PLCE1: variants seen among roughly 807,000 people sequenced by gnomAD.
PLCE1 encodes the protein 1-phosphatidylinositol 4,5-bisphosphate phosphodiesterase epsilon-1.
PLCE1 carries 119 observed loss-of-function variants against 242.8 expected under a neutral mutation model. The observed-to-expected ratio is 0.49, with a 90% confidence interval of 0.42 to 0.57. The LOEUF (loss-of-function observed/expected upper bound fraction) is 0.57. PLCE1 is among the 20% of genes least tolerant of loss of function. PLCE1 has a pLI of 0.00. For missense variants in PLCE1, 2,441 were observed against 2,788.8 expected (o/e 0.88, Z 2.81); for synonymous variants, 945 against 1,017.4 (o/e 0.93, Z 1.35).
intron 2 of PLCE1, among the ~76,000 whole-genome samples, chr10:94,124,265 C>A (rs1479556865): frequency 6.6e-6 from 1 of 151,698 alleles, no homozygotes; most frequent in African/African-American, 2.4e-5. Flanking sequence ...GTAGTCCCAG[C>A]CACTCAGGAG....
At chr10:94,316,872 C>T in intron 29 of PLCE1, 116 bp downstream of exon 29, 1 of 750,236 alleles carries the variant, frequency 1.3e-6, no homozygotes, top group South Asian at 1.5e-5. Context: ...GGTTTATATT[C>T]TTCTTAAGTA....
chr10:94,007,336 G>A (rs1187345773), intron 1 of PLCE1, among the ~76,000 whole-genome samples: 6 of 152,064 alleles, frequency 3.9e-5, no homozygotes, highest in Admixed American at 3.3e-4. Context: ...GGGAGGGGAG[G>A]GGATGGCCAA....
chr10:93,999,625 C>T (rs1421043173), intron 1 of PLCE1, among the ~76,000 whole-genome samples: 1 of 152,258 alleles, frequency 6.6e-6, no homozygotes, highest in East Asian at 1.9e-4. Flanking sequence ...ATCTCCTAGA[C>T]TGCATCTGGA....
At chr10:94,326,075 T>G (rs954934083) in intron 32 of PLCE1, among the ~76,000 whole-genome samples, 7 of 152,166 alleles carry the variant, frequency 4.6e-5, no homozygotes, top group Non-Finnish European at 7.3e-5. Flanking sequence ...CAGTGGTAAG[T>G]CTCTCCTTTT....
Position 94,324,564 on chromosome 10 carries a change from G to T in PLCE1, c.6717G>T (p.Val2239=). 6.2e-7 allele frequency: 1 copy of T among 1,611,812 alleles called. No individual in the cohort carries two copies. Among genetic ancestry groups the T allele is most frequent in the Non-Finnish European group, 8.5e-7 (1 of 1,177,888 alleles). Reference sequence around the variant, plus strand: ...TCATCCTTAAGCTAAAGGAGCAGGTGCAGGTAAAGTTTAAAGTTATTTTGC... The same window carrying T: ...TCATCCTTAAGCTAAAGGAGCAGGTTCAGGTAAAGTTTAAAGTTATTTTGC... ...GKFILKLKEQ[V]QASREDKKKG... The change falls in exon 31 of 33, where the codon GTG becomes GTT. Residue 2239 remains valine, a synonymous_variant. Coordinates refer to ENST00000371380, the MANE Select transcript of PLCE1 (RefSeq NM_016341.4).
intron 4 of PLCE1, among the ~76,000 whole-genome samples, chr10:94,204,371 G>A (rs2136825302): frequency 6.6e-6 from 1 of 152,252 alleles, no homozygotes; most frequent in Non-Finnish European, 1.5e-5. Flanking sequence ...GGAGGAATTA[G>A]AAAATGATGT....
intron 24 of PLCE1, among the ~76,000 whole-genome samples, chr10:94,300,426 C>A (rs2052993380): frequency 6.6e-6 from 1 of 152,202 alleles, no homozygotes; most frequent in African/African-American, 2.4e-5. Context: ...TGTGGTTCAT[C>A]CTCAAGTTTC....
chr10:94,227,658 C>T (rs923946713), intron 5 of PLCE1, among the ~76,000 whole-genome samples: 1 of 152,226 alleles, frequency 6.6e-6, no homozygotes, highest in Admixed American at 6.5e-5. Flanking sequence ...CAGTCACAAT[C>T]CTACTTCACT....
At chr10:94,308,463 C>A (rs1342096051) in intron 26 of PLCE1, 118 bp from the exon 27 acceptor site, 1 of 789,464 alleles carries the variant, frequency 1.3e-6, no homozygotes, top group Non-Finnish European at 2.3e-6. Context: ...TGGTTGCATG[C>A]CTGTTGCCAT....
At chr10:94,168,748 G>C (rs188297388) in intron 3 of PLCE1, among the ~76,000 whole-genome samples, 1 of 152,222 alleles carries the variant, frequency 6.6e-6, no homozygotes, top group East Asian at 1.9e-4. Context: ...AGAAGTGACT[G>C]GAGTTATTTT....
intron 4 of PLCE1, among the ~76,000 whole-genome samples, chr10:94,179,789 C>T (rs2048250601): frequency 2.0e-5 from 3 of 151,720 alleles, no homozygotes; most frequent in South Asian, 2.1e-4. Context: ...TTCAGACGTA[C>T]GTCACCACAC....
At chr10:94,022,868 T>C (rs947592060) in intron 1 of PLCE1, among the ~76,000 whole-genome samples, 1 of 152,128 alleles carries the variant, frequency 6.6e-6, no homozygotes, top group Non-Finnish European at 1.5e-5. Flanking sequence ...TGGGCTCATA[T>C]AGCCATGGAA....
intron 1 of PLCE1, among the ~76,000 whole-genome samples, chr10:93,998,648 C>T (rs2060875187): frequency 6.6e-6 from 1 of 152,156 alleles, no homozygotes; most frequent in African/African-American, 2.4e-5. Flanking sequence ...ATCCTGAGTG[C>T]TCAAAGTTAA....
At chr10:94,023,324 T>A (rs1229068940) in intron 1 of PLCE1, among the ~76,000 whole-genome samples, 1 of 152,176 alleles carries the variant, frequency 6.6e-6, no homozygotes, top group African/African-American at 2.4e-5. Context: ...AGACTAGGAT[T>A]GACTTTTGGT....
chr10:94,136,018 A>C (rs923742717), intron 3 of PLCE1, among the ~76,000 whole-genome samples: 1 of 152,224 alleles, frequency 6.6e-6, no homozygotes, highest in Non-Finnish European at 1.5e-5. Context: ...ACAAGATTTA[A>C]ATTTTTCCCC....
chr10:94,096,082 T>C (rs2045297647), intron 2 of PLCE1, among the ~76,000 whole-genome samples: 1 of 152,136 alleles, frequency 6.6e-6, no homozygotes, highest in Admixed American at 6.5e-5. Context: ...CTGAGATGGC[T>C]TCAAAAGCAA....
At chr10:94,221,267 G>T (rs1021814053) in intron 4 of PLCE1, among the ~76,000 whole-genome samples, 2 of 152,194 alleles carry the variant, frequency 1.3e-5, no homozygotes, top group African/African-American at 4.8e-5. Flanking sequence ...TGATGTCAGT[G>T]CTCCACATTT....
intron 2 of PLCE1, among the ~76,000 whole-genome samples, chr10:94,051,624 T>C (rs965932817): frequency 6.6e-6 from 1 of 152,238 alleles, no homozygotes. Flanking sequence ...AAATTACTGC[T>C]AAGATTGAAA....
intron 7 of PLCE1, among the ~76,000 whole-genome samples, chr10:94,236,779 A>G (rs1484998109): frequency 6.6e-6 from 1 of 152,220 alleles, no homozygotes; most frequent in Non-Finnish European, 1.5e-5. Context: ...GGCAATCTAT[A>G]TATAGAGAGA....
Sources: allele counts gnomAD v4.1 joint callset (sites outside exome capture counted in the v4.1 genomes callset), GRCh38; gene constraint gnomAD v4.1.1; transcripts MANE v1.5; gene names NCBI Gene and HGNC (gene_info 2026-07-23, HGNC 2026-07-21).